The following CFAP47 variants were observed in gnomAD, a reference collection of about 807,000 sequenced individuals.
CFAP47 encodes cilia- and flagella-associated protein 47.
In CFAP47, 29 loss-of-function variants were observed where a neutral mutation model predicts 148.1. The ratio of observed to expected loss-of-function variants is 0.20; its 90% CI spans 0.15 to 0.27. The LOEUF (loss-of-function observed/expected upper bound fraction) is 0.27. Ranked by LOEUF, CFAP47 falls within the 10% of genes least tolerant of loss-of-function variation. CFAP47 has a pLI of 1.00. For missense variants in CFAP47, 1,872 were observed against 1,697.5 expected (o/e 1.10, Z -1.81); for synonymous variants, 664 against 577.3 (o/e 1.15, Z -2.15).
intron 40 of CFAP47, among the ~76,000 whole-genome samples, chrX:36,188,185 T>C (rs1372298206): frequency 9.0e-6 from 1 of 111,360 alleles, no homozygotes; most frequent in African/African-American, 3.3e-5. Context: ...AACAAGCAAA[T>C]GTGGAGATAA....
intron 62 of CFAP47, chrX:36,374,781 T>A: frequency 1.5e-6 from 1 of 686,820 alleles, no homozygotes; most frequent in Non-Finnish European, 2.2e-6. Flanking sequence ...TTTGTAAATA[T>A]GTATTACATC....
At chrX:36,100,062 C>T (rs900532300) in intron 32 of CFAP47, among the ~76,000 whole-genome samples, 183 bp downstream of exon 32, 1 of 111,497 alleles carries the variant, frequency 9.0e-6, no homozygotes, top group Non-Finnish European at 1.9e-5. Context: ...TGGAGTATCT[C>T]TTTCCTCCTC....
In CFAP47 at chrX:36,014,927, A is replaced by G; in HGVS notation, c.3556+15A>G. On this transcript the variant is annotated intron_variant, in intron 22 of 63. Transcript: ENST00000378653. ...TCAAGCTACTGGTATGTAATATAAAATAATCAATTGGTGTGGGTAGGCCAA... is the reference window on the plus strand; with the variant it reads ...TCAAGCTACTGGTATGTAATATAAAGTAATCAATTGGTGTGGGTAGGCCAA... The G allele has an allele frequency of 3.4e-6, 1 of 292,670 alleles. No individual in the cohort carries two copies. 24.1% of individuals were successfully genotyped at this position (292,670 alleles called of 1,213,427 possible).
intron 51 of CFAP47, among the ~76,000 whole-genome samples, chrX:36,288,999 C>CTTTTTTTTTTTTTTT (rs34230885): frequency 1.5e-5 from 1 of 66,465 alleles, no homozygotes; most frequent in Admixed American, 1.9e-4. Flanking sequence ...TTCTTTCATC[C>CTTTTTTTTTTTTTTT]TTTTTTTTTT....
chrX:35,988,435 C>T (rs767214591), intron 15 of CFAP47, among the ~76,000 whole-genome samples: 10 of 111,422 alleles, frequency 9.0e-5, no homozygotes, highest in South Asian at 3.8e-4. Context: ...AGGTGCTTTC[C>T]AGGCATCATA....
At chrX:36,188,355 A>G (rs1172980927) in intron 40 of CFAP47, among the ~76,000 whole-genome samples, 1 of 111,817 alleles carries the variant, frequency 8.9e-6, no homozygotes, top group African/African-American at 3.2e-5. Flanking sequence ...ACTGTATTTT[A>G]AAGTGAAAAT....
At chrX:35,945,327 T>C (rs1201316956) in intron 3 of CFAP47, among the ~76,000 whole-genome samples, 14 of 111,434 alleles carry the variant, frequency 1.3e-4, no homozygotes, top group Non-Finnish European at 1.9e-5. Context: ...GACTGGTGTT[T>C]CTTTTTGTGG....
intron 48 of CFAP47, among the ~76,000 whole-genome samples, chrX:36,243,915 A>G (rs1940581890): frequency 9.2e-6 from 1 of 109,126 alleles, no homozygotes; most frequent in South Asian, 4.0e-4. Flanking sequence ...CCACCAAACA[A>G]TCACAGAAAA....
intron 15 of CFAP47, among the ~76,000 whole-genome samples, chrX:35,988,108 T>C (rs765046816): frequency 1.8e-5 from 2 of 111,663 alleles, no homozygotes; most frequent in East Asian, 5.7e-4. Flanking sequence ...TGATATATGA[T>C]ACCTTTTTAC....
chrX:36,114,637 C>T (rs1010616462), intron 33 of CFAP47, among the ~76,000 whole-genome samples: 3 of 111,493 alleles, frequency 2.7e-5, no homozygotes, highest in Non-Finnish European at 5.6e-5. Flanking sequence ...GCTCTCTACT[C>T]CTAGACTGCG....
At chrX:36,322,206 T>C (rs868972343) in intron 57 of CFAP47, among the ~76,000 whole-genome samples, 3 of 111,653 alleles carry the variant, frequency 2.7e-5, no homozygotes, top group African/African-American at 9.7e-5. Flanking sequence ...TCAGATCTAA[T>C]GCCAGTGCCA....
chrX:36,090,277 T>C (rs1433301505), intron 30 of CFAP47, among the ~76,000 whole-genome samples: 1 of 112,094 alleles, frequency 8.9e-6, no homozygotes, highest in Non-Finnish European at 1.9e-5. Flanking sequence ...TGAATGCATT[T>C]TTTTCAGAAA....
chrX:36,255,173 A>G (rs1206399547), intron 49 of CFAP47, among the ~76,000 whole-genome samples: 1 of 111,822 alleles, frequency 8.9e-6, no homozygotes, highest in Non-Finnish European at 1.9e-5. Flanking sequence ...CAAACTAGGC[A>G]ATGATAATGA....
chrX:36,271,071 A>T (rs1399131884), intron 49 of CFAP47, among the ~76,000 whole-genome samples: 2 of 111,379 alleles, frequency 1.8e-5, no homozygotes, highest in African/African-American at 6.5e-5. Flanking sequence ...AAGTAAGCTT[A>T]AAATGAAGGG....
At chrX:36,098,920 T>A in intron 31 of CFAP47, 46 bp downstream of exon 31, 1 of 684,670 alleles carries the variant, frequency 1.5e-6, no homozygotes, top group South Asian at 3.0e-5. Flanking sequence ...GTTATTATTG[T>A]ATGTACTGGT....
intron 7 of CFAP47, among the ~76,000 whole-genome samples, chrX:35,954,503 A>G: frequency 9.0e-6 from 1 of 111,557 alleles, no homozygotes; most frequent in Non-Finnish European, 1.9e-5. Flanking sequence ...GTTTTGTGAT[A>G]TTGAGCTACG....
At chrX:36,325,355 A>G (rs1764898969) in intron 57 of CFAP47, among the ~76,000 whole-genome samples, 1 of 111,818 alleles carries the variant, frequency 8.9e-6, no homozygotes, top group Admixed American at 9.6e-5. Context: ...GAACTCACAG[A>G]CAGTACGTGC....
At position 35,967,884 on chromosome X, in the gene CFAP47, C is replaced by T. The variant is rs369317961; in HGVS notation, c.1814+52C>T. ...ATTTGGAAAAGCTTAATGGACAACA[C>T]GACATGCAGAAGTTTCATCAGATCC... On this transcript the variant is annotated intron_variant, in intron 10 of 63. Coordinates refer to ENST00000378653, the MANE Select transcript of CFAP47 (RefSeq NM_001304548.2). The T allele has an allele frequency of 1.9e-4, 144 of 755,695 alleles. 1 individual carries two copies. The highest frequency in any genetic ancestry group is 7.0e-4 in the East Asian group (20 of 28,493). 62.3% of individuals were successfully genotyped at this position (755,695 alleles called of 1,213,427 possible). A position where few individuals can be genotyped will look rare whatever the true frequency, so the allele number is the denominator to read the frequency against.
At chrX:36,265,891 C>T (rs1252520629) in intron 49 of CFAP47, among the ~76,000 whole-genome samples, 1 of 111,602 alleles carries the variant, frequency 9.0e-6, no homozygotes, top group Non-Finnish European at 1.9e-5. Flanking sequence ...TTTTTATGGT[C>T]ATTATTGCCC....
Sources: gnomAD v4.1 joint callset for allele counts (sites outside exome capture counted in the v4.1 genomes callset) on GRCh38, gnomAD v4.1.1 for gene constraint, MANE v1.5 for transcripts, NCBI Gene and HGNC (gene_info 2026-07-23, HGNC 2026-07-21) for gene names.